Variants in RBFOX2 observed in about 807,000 individuals in gnomAD.
The protein encoded by RBFOX2 is RNA binding fox-1 homolog 2, also known as RNA binding protein fox-1 homolog 2.
In RBFOX2, 10 loss-of-function variants were observed where a neutral mutation model predicts 49.1. That is an observed-to-expected ratio of 0.20 (90% CI 0.13 to 0.35). RBFOX2 has a LOEUF of 0.35. Among genes scored for constraint, RBFOX2 ranks in the 10% least tolerant of loss-of-function variants. The pLI is 1.00. For synonymous variants in RBFOX2, 183 were observed against 187.4 expected (o/e 0.98, Z 0.19); for missense variants, 323 against 486.9 (o/e 0.66, Z 3.17).
intron 1 of RBFOX2, among the ~76,000 whole-genome samples, chr22:35,871,691 G>T (rs910113587): frequency 6.6e-5 from 10 of 152,218 alleles, no homozygotes; most frequent in Non-Finnish European, 1.3e-4. Context: ...TTGGGATCCA[G>T]TAAGCTCAAA....
At chr22:35,914,830 A>G (rs1326661579) in intron 1 of RBFOX2, among the ~76,000 whole-genome samples, 1 of 152,200 alleles carries the variant, frequency 6.6e-6, no homozygotes, top group African/African-American at 2.4e-5. Flanking sequence ...TCTGTGAAAT[A>G]TTTCTGAACA....
intron 1 of RBFOX2, among the ~76,000 whole-genome samples, chr22:35,820,736 T>A (rs1954275211): frequency 2.0e-5 from 3 of 152,034 alleles, no homozygotes; most frequent in Non-Finnish European, 4.4e-5. Flanking sequence ...CCCAGTAGAG[T>A]ATATAAGCAA....
chr22:35,809,571 G>A (rs1736918286), intron 2 of RBFOX2, among the ~76,000 whole-genome samples: 2 of 152,116 alleles, frequency 1.3e-5, no homozygotes, highest in African/African-American at 2.4e-5. Context: ...GTGCTTGGCA[G>A]GAAAATTGGG....
intron 1 of RBFOX2, chr22:35,821,789 A>G (rs893917754): frequency 1.9e-6 from 1 of 518,348 alleles, no homozygotes; most frequent in Admixed American, 1.9e-5. Context: ...CTCAGTACAC[A>G]CCTGATCTAC....
At chr22:35,754,322 AC>A (rs1936188682) in intron 9 of RBFOX2, among the ~76,000 whole-genome samples, 1 of 143,924 alleles carries the variant, frequency 6.9e-6, no homozygotes, top group Admixed American at 6.9e-5. Flanking sequence ...CCATCTCCTG[AC>A]CTCATGATCT....
At chr22:35,873,389 G>C (rs750218019) in intron 1 of RBFOX2, among the ~76,000 whole-genome samples, 1 of 152,052 alleles carries the variant, frequency 6.6e-6, no homozygotes, top group Non-Finnish European at 1.5e-5. Context: ...ACCTCCCAAA[G>C]TGCTGAGATT....
chr22:35,899,460 G>C (rs988207892), intron 1 of RBFOX2, among the ~76,000 whole-genome samples: 5 of 150,600 alleles, frequency 3.3e-5, no homozygotes, highest in Non-Finnish European at 5.9e-5. Context: ...TCTTCTGTAT[G>C]TTACCTTTAT....
intron 1 of RBFOX2, among the ~76,000 whole-genome samples, chr22:35,987,365 T>G (rs527905392): frequency 1.7e-4 from 26 of 152,290 alleles, no homozygotes; most frequent in South Asian, 6.2e-4. Context: ...AGAAAACAGA[T>G]TTCAGAAAGC....
At chr22:35,950,771 T>C (rs183284172) in intron 1 of RBFOX2, among the ~76,000 whole-genome samples, 47 of 152,238 alleles carry the variant, frequency 3.1e-4, no homozygotes, top group South Asian at 1.0e-3. Context: ...TCTTTGGGTA[T>C]GATATCTCGG....
In RBFOX2 at chr22:35,781,696, A is replaced by G. The variant is rs755627845; in HGVS notation, c.303T>C (p.Ser101=). The G allele has an allele frequency of 3.7e-6, 6 of 1,614,126 alleles. 1 individual carries two copies. The South Asian group carries it at 5.5e-5, about 15-fold the overall frequency. The change falls in exon 3 of 12, where the codon AGT becomes AGC. Residue 101 remains serine, a synonymous_variant. Transcript: ENST00000405409. ...TAGATTTACTCTCTGAATTTTCACT[A>G]CTTTGTGTCTGTGACTGCTGGCCGT...
chr22:35,934,686 A>G (rs1174632495), intron 1 of RBFOX2, among the ~76,000 whole-genome samples: 5 of 152,196 alleles, frequency 3.3e-5, no homozygotes, highest in Admixed American at 3.3e-4. Flanking sequence ...TCGCAAAAAC[A>G]GTAAGGCTGC....
intron 1 of RBFOX2, chr22:35,996,608 C>T (rs999312667): frequency 2.9e-5 from 4 of 137,788 alleles, no homozygotes; most frequent in African/African-American, 1.1e-4. Flanking sequence ...AAGACTCTGT[C>T]TCAAAAAAAA....
At chr22:35,889,860 A>T (rs1315786190) in intron 1 of RBFOX2, among the ~76,000 whole-genome samples, 1 of 152,170 alleles carries the variant, frequency 6.6e-6, no homozygotes, top group Non-Finnish European at 1.5e-5. Context: ...AACCTGAATA[A>T]GGTGTTGTTA....
At chr22:35,835,893 T>C (rs896514585) in intron 1 of RBFOX2, among the ~76,000 whole-genome samples, 3 of 151,936 alleles carry the variant, frequency 2.0e-5, no homozygotes, top group Non-Finnish European at 4.4e-5. Flanking sequence ...ACTGAAGATA[T>C]GGAGCAATGT....
At chr22:35,943,438 C>G (rs1213705837), upstream of RBFOX2, among the ~76,000 whole-genome samples, 1 of 152,132 alleles carries the variant, frequency 6.6e-6, no homozygotes, top group Non-Finnish European at 1.5e-5. Context: ...CGGACTCTGT[C>G]TTGGCACAGA....
At chr22:35,967,535 C>T (rs2056633953) in intron 1 of RBFOX2, among the ~76,000 whole-genome samples, 1 of 152,060 alleles carries the variant, frequency 6.6e-6, no homozygotes, top group Non-Finnish European at 1.5e-5. Flanking sequence ...CGTATGCACC[C>T]AGGGCTGTGT....
intron 3 of RBFOX2, among the ~76,000 whole-genome samples, chr22:35,778,943 C>T (rs1011880431): frequency 2.0e-5 from 3 of 152,162 alleles, no homozygotes; most frequent in Non-Finnish European, 4.4e-5. Flanking sequence ...AGATTGTGAA[C>T]AACTATCCGA....
chr22:35,840,305 C>A lies in RBFOX2; in HGVS notation c.-87G>T, dbSNP rs536286751. ...TTTCTTTTCCACCCCCCTCCCCCCC[C>A]AATCTAGCTATTTAAGGGTGGGTAA... On this transcript the variant is annotated 5_prime_UTR_variant, in exon 1 of 12. Coordinates refer to ENST00000405409, the Ensembl canonical transcript of RBFOX2. The A allele has an allele frequency of 5.0e-6, 8 of 1,613,024 alleles. No individual in the cohort carries two copies. In the Admixed American group the frequency reaches 5.0e-5, roughly 10 times the overall value.
chr22:35,931,576 A>G (rs962233168), intron 1 of RBFOX2, among the ~76,000 whole-genome samples: 4 of 152,102 alleles, frequency 2.6e-5, no homozygotes, highest in African/African-American at 7.2e-5. Context: ...GGAGTTCAAG[A>G]CCAACCTGGG....
Sources: allele counts gnomAD v4.1 joint callset (sites outside exome capture counted in the v4.1 genomes callset), GRCh38; gene constraint gnomAD v4.1.1; transcripts MANE v1.5; gene names NCBI Gene and HGNC (gene_info 2026-07-23, HGNC 2026-07-21).